Variants in TBX20 observed in about 807,000 individuals in gnomAD.
TBX20 encodes T-box transcription factor TBX20.
TBX20 carries 8 observed loss-of-function variants against 42.9 expected under a neutral mutation model. The ratio of observed to expected loss-of-function variants is 0.19; its 90% CI spans 0.11 to 0.34. TBX20 has a LOEUF of 0.34. TBX20 is among the 10% of genes least tolerant of loss of function. The pLI is 1.00. For missense variants in TBX20, 411 were observed against 566.0 expected, an observed-to-expected ratio of 0.73 and a Z score of 2.78; for synonymous variants, 198 against 222.8, an observed-to-expected ratio of 0.89 and a Z score of 0.99.
intron 6 of TBX20, among the ~76,000 whole-genome samples, chr7:35,227,730 C>G (rs1277013774): frequency 6.6e-6 from 1 of 152,080 alleles, no homozygotes; most frequent in Non-Finnish European, 1.5e-5. Flanking sequence ...ATACATCTTT[C>G]CACTTACATG....
intron 6 of TBX20, among the ~76,000 whole-genome samples, chr7:35,209,492 C>G (rs1789458045): frequency 6.6e-6 from 1 of 151,894 alleles, no homozygotes; most frequent in African/African-American, 2.4e-5. Flanking sequence ...CTTTTAATAC[C>G]TGTAGAATCT....
intron 6 of TBX20, among the ~76,000 whole-genome samples, chr7:35,212,905 C>T (rs2128710832): frequency 6.6e-6 from 1 of 152,236 alleles, no homozygotes; most frequent in South Asian, 2.1e-4. Flanking sequence ...TTTAGGGATC[C>T]TCTGTAGATC....
At chr7:35,209,561 T>G (rs568880374) in intron 6 of TBX20, among the ~76,000 whole-genome samples, 1 of 152,200 alleles carries the variant, frequency 6.6e-6, no homozygotes, top group Non-Finnish European at 1.5e-5. Flanking sequence ...TTCCCTTATT[T>G]TCTTGGTCAG....
At chr7:35,207,052 TA>T (rs1789412360) in intron 6 of TBX20, among the ~76,000 whole-genome samples, 1 of 152,216 alleles carries the variant, frequency 6.6e-6, no homozygotes, top group Non-Finnish European at 1.5e-5. Context: ...ATGAAATGAC[TA>T]AATTGCATAT....
intron 5 of TBX20, among the ~76,000 whole-genome samples, chr7:35,236,409 A>ATGC (rs1378931323): frequency 6.6e-6 from 1 of 152,088 alleles, no homozygotes; most frequent in Non-Finnish European, 1.5e-5. Context: ...AGGCTATTAT[A>ATGC]TGCTGCAGGA....
At chr7:35,213,351 C>A (rs1789529655) in intron 6 of TBX20, among the ~76,000 whole-genome samples, 1 of 152,154 alleles carries the variant, frequency 6.6e-6, no homozygotes. Context: ...AGACAGGCTT[C>A]AGTAATTGTT....
intron 6 of TBX20, among the ~76,000 whole-genome samples, chr7:35,213,592 G>C (rs951088974): frequency 1.3e-5 from 2 of 152,122 alleles, no homozygotes; most frequent in African/African-American, 4.8e-5. Flanking sequence ...CCATTATAAT[G>C]AGTTGGTTAA....
intron 6 of TBX20, among the ~76,000 whole-genome samples, chr7:35,211,543 T>C (rs981431176): frequency 5.3e-5 from 8 of 152,212 alleles, no homozygotes; most frequent in African/African-American, 1.7e-4. Flanking sequence ...TCAGTACAGA[T>C]GATCCCCAAC....
At chr7:35,247,466 T>C (rs911529262) in intron 3 of TBX20, among the ~76,000 whole-genome samples, 3 of 152,138 alleles carry the variant, frequency 2.0e-5, no homozygotes, top group African/African-American at 7.2e-5. Flanking sequence ...CTTTCTGGTC[T>C]CTTCCGAGAA....
intron 6 of TBX20, among the ~76,000 whole-genome samples, chr7:35,210,257 G>A (rs1266559648): frequency 2.6e-5 from 4 of 151,810 alleles, no homozygotes; most frequent in African/African-American, 9.7e-5. Context: ...TGGGACTACA[G>A]GTGCCCACCA....
chr7:35,248,881 T>C lies in TBX20; in HGVS notation c.381-40A>G, dbSNP rs148673267. On this transcript the variant is annotated intron_variant, in intron 2 of 7. Transcript: ENST00000408931. ...GAGAGAGAATGGGCCCTGTTTATGCTGCCTAATAAACTGACCTGAATTAGG... is the reference window on the plus strand; with the variant it reads ...GAGAGAGAATGGGCCCTGTTTATGCCGCCTAATAAACTGACCTGAATTAGG... The C allele has an allele frequency of 4.4e-4, 714 of 1,612,678 alleles. 5 individuals are homozygous for C. The African/African-American group carries it at 8.2e-3, about 19-fold the overall frequency.
intron 6 of TBX20, among the ~76,000 whole-genome samples, chr7:35,226,850 C>A (rs971595968): frequency 9.2e-5 from 14 of 151,910 alleles, no homozygotes; most frequent in African/African-American, 3.4e-4. Flanking sequence ...ACGGTGTACT[C>A]CTTCTACTTA....
Position 35,240,951 on chromosome 7 carries a change from C to G in TBX20, c.741G>C (p.Lys247Asn), listed in dbSNP as rs762881014. 1 of 1,613,734 alleles carries G rather than the reference C, an allele frequency of 6.2e-7. No homozygotes were observed. Among genetic ancestry groups the G allele is most frequent in the East Asian group, 2.2e-5 (1 of 44,884 alleles). Reference protein sequence around the residue: ...KDHTASLLNLKSEEFRTFIFP... With the variant: ...KDHTASLLNLNSEEFRTFIFP... ...AGATGAAAGTTCTAAATTCTTCAGA[C>G]TTCAGGTTGAGCAATGAGGCTGTGT... Residue 247 changes from lysine (K) to asparagine (N), a missense_variant, in exon 5 of 8, where the codon AAG becomes AAC. By Grantham distance (94) the Lys-to-Asn change is moderately conservative. Coordinates refer to ENST00000408931, the MANE Select transcript of TBX20 (RefSeq NM_001077653.2).
intron 2 of TBX20, 132 bp from the exon 3 acceptor site, chr7:35,248,973 C>T: frequency 9.5e-7 from 1 of 1,049,676 alleles, no homozygotes; most frequent in East Asian, 2.6e-5. Flanking sequence ...GTCCACAAAC[C>T]CCTCTTTTGT....
At chr7:35,213,223 A>G (rs1789527666) in intron 6 of TBX20, among the ~76,000 whole-genome samples, 1 of 152,180 alleles carries the variant, frequency 6.6e-6, no homozygotes, top group African/African-American at 2.4e-5. Context: ...AATAGGGTAT[A>G]TTTGGCCCTT....
intron 7 of TBX20, among the ~76,000 whole-genome samples, chr7:35,203,825 A>G (rs1313595805): frequency 6.6e-6 from 1 of 152,218 alleles, no homozygotes; most frequent in Non-Finnish European, 1.5e-5. Context: ...TATTAAGGAC[A>G]TAAAACAATG....
At chr7:35,216,775 T>A (rs552912026) in intron 6 of TBX20, among the ~76,000 whole-genome samples, 56 of 152,322 alleles carry the variant, frequency 3.7e-4, no homozygotes, top group African/African-American at 1.3e-3. Flanking sequence ...CTCCTAAATA[T>A]AGACCTGGCA....
intron 5 of TBX20, among the ~76,000 whole-genome samples, chr7:35,240,604 T>C (rs748967373): frequency 1.5e-4 from 23 of 152,150 alleles, no homozygotes; most frequent in Non-Finnish European, 2.4e-4. Flanking sequence ...CAAGTAACTT[T>C]CTGGAGAAGA....
At chr7:35,226,149 A>G (rs538863844) in intron 6 of TBX20, among the ~76,000 whole-genome samples, 2 of 152,278 alleles carry the variant, frequency 1.3e-5, no homozygotes, top group South Asian at 2.1e-4. Context: ...ATGAAAAACT[A>G]AAAAGCAGTA....
Sources: gnomAD v4.1 joint callset for allele counts (sites outside exome capture counted in the v4.1 genomes callset) on GRCh38, gnomAD v4.1.1 for gene constraint, MANE v1.5 for transcripts, NCBI Gene and HGNC (gene_info 2026-07-23, HGNC 2026-07-21) for gene names.